Variants in ACKR2 observed in about 807,000 individuals in gnomAD.
ACKR2 encodes the protein atypical chemokine receptor 2, also known as C-C chemokine receptor D6.
For synonymous variants in ACKR2, 207 were observed against 192.2 expected, an observed-to-expected ratio of 1.08 and a Z score of -0.64; for missense variants, 457 against 477.3, an observed-to-expected ratio of 0.96 and a Z score of 0.40.
At position 42,865,911 on chromosome 3, in the gene ACKR2, C is replaced by T. The variant is rs1288180721; in HGVS notation, c.*254C>T. 1.8e-5 allele frequency: 8 copies of T among 455,644 alleles called. No homozygotes were observed. The highest frequency in any genetic ancestry group is 3.2e-5 in the Non-Finnish European group (8 of 248,950). The allele number at this position is 455,644 out of a possible 1,614,324, so 28.2% of individuals were successfully genotyped here. A position where few individuals can be genotyped will look rare whatever the true frequency, so the allele number is the denominator to read the frequency against. On this transcript the variant is annotated 3_prime_UTR_variant, in exon 3 of 3. Transcript: ENST00000422265. Reference sequence around the variant, plus strand: ...CCTTCCTTGCTTCCTTCCTTCCTTCCTTCCCTCTCTCCCTCCCTCCCTCCC... The same window carrying T: ...CCTTCCTTGCTTCCTTCCTTCCTTCTTTCCCTCTCTCCCTCCCTCCCTCCC...
intron 2 of ACKR2, among the ~76,000 whole-genome samples, chr3:42,830,884 A>G (rs1448834361): frequency 6.6e-6 from 1 of 151,144 alleles, no homozygotes. Flanking sequence ...GAGGAAGGGA[A>G]CTCCAACCTC....
At chr3:42,859,784 T>C (rs576792151) in intron 2 of ACKR2, among the ~76,000 whole-genome samples, 4 of 152,068 alleles carry the variant, frequency 2.6e-5, no homozygotes, top group East Asian at 1.9e-4. Flanking sequence ...GACAAGCAAA[T>C]GCTGAGAGAT....
chr3:42,842,353 A>G (rs1281758625), intron 2 of ACKR2, among the ~76,000 whole-genome samples: 1 of 152,216 alleles, frequency 6.6e-6, no homozygotes, highest in East Asian at 1.9e-4. Context: ...TAGAGTGAGT[A>G]TTTAAGTTTT....
At chr3:42,834,576 A>G (rs954003679) in intron 2 of ACKR2, 2 of 151,690 alleles carry the variant, frequency 1.3e-5, no homozygotes, top group African/African-American at 4.8e-5. Flanking sequence ...TAATTAATTA[A>G]TTTATTTATT....
At chr3:42,817,757 C>T (rs911424776) in intron 1 of ACKR2, among the ~76,000 whole-genome samples, 2 of 152,174 alleles carry the variant, frequency 1.3e-5, no homozygotes, top group South Asian at 2.1e-4. Context: ...ATTCTTGTCA[C>T]GCTACTGAAA....
chr3:42,814,635 G>A (rs1267179672), intron 1 of ACKR2, among the ~76,000 whole-genome samples: 1 of 152,074 alleles, frequency 6.6e-6, no homozygotes, highest in South Asian at 2.1e-4. Flanking sequence ...AATAATTACC[G>A]GTGTTTTTAT....
intron 1 of ACKR2, among the ~76,000 whole-genome samples, chr3:42,816,161 G>A (rs1400117702): frequency 6.6e-6 from 1 of 151,110 alleles, no homozygotes; most frequent in African/African-American, 2.4e-5. Context: ...ATACTACTCA[G>A]CTAACCTATA....
chr3:42,854,708 A>G (rs1197757187), intron 2 of ACKR2, among the ~76,000 whole-genome samples: 3 of 152,190 alleles, frequency 2.0e-5, no homozygotes, highest in Non-Finnish European at 4.4e-5. Context: ...GAAGGAGCCC[A>G]ACTAACATGC....
intron 1 of ACKR2, among the ~76,000 whole-genome samples, chr3:42,814,897 G>C (rs895904543): frequency 6.6e-6 from 1 of 152,210 alleles, no homozygotes; most frequent in Non-Finnish European, 1.5e-5. Context: ...GGCCTTGAAG[G>C]ATGACTAGGA....
chr3:42,821,896 C>T (rs958746806), intron 2 of ACKR2, among the ~76,000 whole-genome samples: 6 of 151,990 alleles, frequency 3.9e-5, no homozygotes, highest in Non-Finnish European at 8.8e-5. Flanking sequence ...CGGGGTTTCA[C>T]TGTGTTAGCC....
intron 1 of ACKR2, among the ~76,000 whole-genome samples, chr3:42,817,740 G>T (rs1431925770): frequency 6.6e-6 from 1 of 152,046 alleles, no homozygotes; most frequent in Non-Finnish European, 1.5e-5. Flanking sequence ...TCAACCCACT[G>T]GTTTCCATTC....
intron 2 of ACKR2, among the ~76,000 whole-genome samples, chr3:42,838,806 T>C (rs1328963919): frequency 6.6e-6 from 1 of 152,226 alleles, no homozygotes; most frequent in Non-Finnish European, 1.5e-5. Context: ...ACAAACCAAA[T>C]GTCCCTCAGC....
intron 2 of ACKR2, among the ~76,000 whole-genome samples, chr3:42,828,504 T>C (rs1700896139): frequency 6.6e-6 from 1 of 152,206 alleles, no homozygotes; most frequent in African/African-American, 2.4e-5. Flanking sequence ...CCTTCCACAA[T>C]GCAGCCCCTA....
At chr3:42,836,587 T>C (rs1268727054) in intron 2 of ACKR2, among the ~76,000 whole-genome samples, 1 of 152,286 alleles carries the variant, frequency 6.6e-6, no homozygotes, top group South Asian at 2.1e-4. Context: ...TTGTCATGAC[T>C]CTGTGGGGCT....
Position 42,852,369 on chromosome 3 carries a change from T to A in ACKR2, c.-37-12097T>A, listed in dbSNP as rs1394568174. 6.6e-6 allele frequency: 1 copy of A among 152,238 alleles called. No homozygotes were observed. The highest frequency in any genetic ancestry group is 1.5e-5 in the Non-Finnish European group (1 of 68,052). The allele number at this position is 152,238 out of a possible 1,614,324, so 9.4% of individuals were successfully genotyped here. ...AAACATTCTGGGAAAGACATGAAAG[T>A]CTCACCTTCTGCAGCAGCAGCTCCT... On this transcript the variant is annotated intron_variant, in intron 2 of 2. Transcript: ENST00000422265. This position sits in a 1 kb window ranked among gnomAD's most constrained non-coding sequence, Gnocchi z 4.3.
chr3:42,817,872 C>T (rs965740146), intron 1 of ACKR2, among the ~76,000 whole-genome samples: 10 of 152,034 alleles, frequency 6.6e-5, no homozygotes, highest in African/African-American at 2.4e-4. Flanking sequence ...TCCATTGACA[C>T]TCTTCTTCTC....
intron 2 of ACKR2, among the ~76,000 whole-genome samples, chr3:42,843,319 C>T (rs552021562): frequency 3.9e-5 from 6 of 152,214 alleles, no homozygotes; most frequent in African/African-American, 9.6e-5. Context: ...GATCTGCCCC[C>T]CCAGCCTCCC....
At chr3:42,847,334 A>T (rs1420784104) in intron 2 of ACKR2, among the ~76,000 whole-genome samples, 1 of 152,220 alleles carries the variant, frequency 6.6e-6, no homozygotes, top group African/African-American at 2.4e-5. Context: ...GGCTGGGGAC[A>T]GCACAGAAAG....
chr3:42,850,412 A>G (rs1264818096), intron 2 of ACKR2, among the ~76,000 whole-genome samples: 1 of 152,206 alleles, frequency 6.6e-6, no homozygotes, highest in Non-Finnish European at 1.5e-5. Context: ...CACCATCTCT[A>G]GGTCACACAG....
Sources: gnomAD v4.1 joint callset for allele counts (sites outside exome capture counted in the v4.1 genomes callset) on GRCh38, gnomAD v4.1.1 for gene constraint, Gnocchi (gnomAD v3.1) non-coding constraint, MANE v1.5 for transcripts, NCBI Gene and HGNC (gene_info 2026-07-23, HGNC 2026-07-21) for gene names.